B3GALNT2: variants seen among roughly 807,000 people sequenced by gnomAD.
B3GALNT2 encodes the protein beta-1,3-N-acetylgalactosaminyltransferase 2.
Under a neutral mutation model 61.1 loss-of-function variants are expected in B3GALNT2, and 53 were observed. That is an observed-to-expected ratio of 0.87 (90% CI 0.70 to 1.09). The LOEUF is 1.09. B3GALNT2 is among the 50% of genes least tolerant of loss of function. The pLI is 0.00. For synonymous variants in B3GALNT2, 223 were observed against 237.4 expected, an observed-to-expected ratio of 0.94 and a Z score of 0.56; for missense variants, 544 against 623.0, an observed-to-expected ratio of 0.87 and a Z score of 1.35.
intron 5 of B3GALNT2, 57 bp downstream of exon 5, chr1:235,479,997 C>T (rs549978253): frequency 1.6e-5 from 25 of 1,599,808 alleles, no homozygotes; most frequent in East Asian, 9.0e-5. Context: ...TGAAAGCACA[C>T]GCCCACTCCT....
At position 235,449,564 on chromosome 1, in the gene B3GALNT2, G is replaced by GTATT. The variant is rs1682765636; in HGVS notation, c.*638_*641dup. 6.6e-6 allele frequency: 1 copy of GTATT among 152,368 alleles called. No individual in the cohort carries two copies. The highest frequency in any genetic ancestry group is 2.4e-5 in the African/African-American group (1 of 41,436). 9.4% of individuals were successfully genotyped at this position (152,368 alleles called of 1,614,324 possible). ...GTTAGATGGCAGAAAGAAAATTTGG[G>GTATT]TATTAGTCTACCATATAAATGAACT... On this transcript the variant is annotated 3_prime_UTR_variant, in exon 12 of 12. Transcript: ENST00000366600.
chr1:235,451,303 G>T (rs981855639), intron 11 of B3GALNT2: 1 of 152,148 alleles, frequency 6.6e-6, no homozygotes, highest in Non-Finnish European at 1.5e-5. Context: ...TAGGTCTGGG[G>T]CTGGTAGTCA....
intron 3 of B3GALNT2, among the ~76,000 whole-genome samples, chr1:235,487,663 C>T (rs1020220540): frequency 7.2e-5 from 11 of 152,196 alleles, no homozygotes; most frequent in Non-Finnish European, 1.5e-4. Context: ...AGTATAACCT[C>T]CCTTAGAAAC....
chr1:235,474,943 T>C (rs1684165849), intron 5 of B3GALNT2, among the ~76,000 whole-genome samples: 1 of 102,824 alleles, frequency 9.7e-6, no homozygotes, highest in South Asian at 3.4e-4. Context: ...CAACATAAAA[T>C]TAGAGACATA....
intron 7 of B3GALNT2, among the ~76,000 whole-genome samples, chr1:235,461,507 GTTTTT>G (rs57611133): frequency 1.3e-4 from 8 of 63,350 alleles, no homozygotes; most frequent in Non-Finnish European, 1.6e-4. Context: ...ATGACCTCCT[GTTTTT>G]TTTTTTTTTT....
At chr1:235,476,289 T>C (rs1158865578) in intron 5 of B3GALNT2, among the ~76,000 whole-genome samples, 1 of 152,144 alleles carries the variant, frequency 6.6e-6, no homozygotes, top group Non-Finnish European at 1.5e-5. Flanking sequence ...CACACGCCTA[T>C]AGTACCAGCT....
intron 1 of B3GALNT2, among the ~76,000 whole-genome samples, chr1:235,499,088 T>A (rs1462883240): frequency 6.6e-6 from 1 of 152,230 alleles, no homozygotes; most frequent in South Asian, 2.1e-4. Context: ...CATAAACACA[T>A]AAAGGACTCA....
intron 5 of B3GALNT2, chr1:235,479,307 A>G (rs1684446355): frequency 6.6e-6 from 1 of 152,232 alleles, no homozygotes; most frequent in South Asian, 2.1e-4. Context: ...TCTAAAGTGA[A>G]TCCCAGAGAT....
chr1:235,476,868 T>TA (rs1026386087), intron 5 of B3GALNT2, among the ~76,000 whole-genome samples: 20 of 149,618 alleles, frequency 1.3e-4, no homozygotes, highest in Non-Finnish European at 2.5e-4. Flanking sequence ...AAAAAAGATA[T>TA]AAAAAATTTA....
chr1:235,470,009 T>G lies in B3GALNT2; in HGVS notation c.762+841A>C, dbSNP rs186318424. Among the ~76,000 whole-genome samples, 348 of 152,104 alleles carry G rather than the reference T, an allele frequency of 2.3e-3. 1 individual carries two copies. The Middle Eastern group carries it at 0.024, about 10-fold the overall frequency. On this transcript the variant is annotated intron_variant, in intron 6 of 11. Transcript: ENST00000366600. ...GCCTCCTAGGTTCAAGCAATTCTCA[T>G]GCCTCAGCCACCTGAGTAGCTGGGA...
chr1:235,475,978 C>T (rs2382812), intron 5 of B3GALNT2, among the ~76,000 whole-genome samples: 26,413 of 151,974 alleles, frequency 0.17, 3,022 homozygotes, highest in East Asian at 0.52. Flanking sequence ...GCCTGAGACA[C>T]CACACGTGGC....
At chr1:235,451,532 G>T (rs1391802688) in intron 11 of B3GALNT2, 1 of 143,444 alleles carries the variant, frequency 7.0e-6, no homozygotes, top group African/African-American at 2.6e-5. Context: ...AACAGTTGTA[G>T]AAACAACAAA....
intron 7 of B3GALNT2, among the ~76,000 whole-genome samples, chr1:235,459,485 T>C (rs1008870896): frequency 7.2e-5 from 11 of 152,066 alleles, no homozygotes; most frequent in Admixed American, 1.3e-4. Flanking sequence ...TAGCCAGGCA[T>C]AGTGGTGCAT....
the B3GALNT2 span, chr1:235,441,469 T>G: frequency 3.4e-6 from 1 of 292,114 alleles, no homozygotes; most frequent in African/African-American, 2.2e-5. Flanking sequence ...TTGAAGGCAG[T>G]CTTCTCTTGC....
chr1:235,456,758 G>A (rs1410445150), intron 8 of B3GALNT2, among the ~76,000 whole-genome samples: 1 of 152,108 alleles, frequency 6.6e-6, no homozygotes, highest in Non-Finnish European at 1.5e-5. Flanking sequence ...ATACTTCCAC[G>A]CCTAGGAAAT....
intron 7 of B3GALNT2, chr1:235,464,452 T>C (rs1388301027): frequency 6.9e-6 from 1 of 143,946 alleles, no homozygotes; most frequent in African/African-American, 2.6e-5. Flanking sequence ...CTCACCACCT[T>C]CTCCCTCTCT....
chr1:235,491,402 T>C (rs1378077968), intron 2 of B3GALNT2, among the ~76,000 whole-genome samples: 1 of 152,248 alleles, frequency 6.6e-6, no homozygotes, highest in Non-Finnish European at 1.5e-5. Flanking sequence ...AGGCTGTATA[T>C]ACTTTATGTC....
rs373022380 is a variant in B3GALNT2 at position 235,454,088 on chromosome 1, CT to C, written c.1311+67del. ...TCCTGGGCTCAAGTGATCTACCCGCCTTAGCCTCCCAAAGTGTTGTGATTAC... is the reference window on the plus strand; with the variant it reads ...TCCTGGGCTCAAGTGATCTACCCGCCTAGCCTCCCAAAGTGTTGTGATTAC... On this transcript the variant is annotated intron_variant, in intron 10 of 11. Transcript: ENST00000366600. The C allele has an allele frequency of 3.7e-5, 53 of 1,440,664 alleles. No homozygotes were observed. The African/African-American group carries it at 7.0e-4, about 19-fold the overall frequency. 89.2% of individuals were successfully genotyped at this position (1,440,664 alleles called of 1,614,324 possible). A position where few individuals can be genotyped will look rare whatever the true frequency, so the allele number is the denominator to read the frequency against.
intron 3 of B3GALNT2, among the ~76,000 whole-genome samples, chr1:235,485,825 A>G (rs1309983788): frequency 6.6e-6 from 1 of 152,206 alleles, no homozygotes. Context: ...ATATATGCAT[A>G]TATTGTGGTG....
Sources: allele counts gnomAD v4.1 joint callset (sites outside exome capture counted in the v4.1 genomes callset), GRCh38; gene constraint gnomAD v4.1.1; transcripts MANE v1.5; gene names NCBI Gene and HGNC (gene_info 2026-07-23, HGNC 2026-07-21).